Variants in GPC5 observed in about 807,000 individuals in gnomAD.
The protein encoded by GPC5 is glypican 5.
GPC5 carries 47 observed loss-of-function variants against 53.9 expected under a neutral mutation model. The ratio of observed to expected loss-of-function variants is 0.87; its 90% CI spans 0.69 to 1.11. The LOEUF (loss-of-function observed/expected upper bound fraction) is 1.11, where lower values mean the gene tolerates loss of function less well. Among genes scored for constraint, GPC5 ranks in the 50% most tolerant of loss-of-function variants. The pLI is 0.00. For missense variants in GPC5, 748 were observed against 713.1 expected (o/e 1.05, Z -0.56); for synonymous variants, 286 against 263.3 (o/e 1.09, Z -0.84).
intron 7 of GPC5, among the ~76,000 whole-genome samples, chr13:92,751,430 G>C (rs1889395698): frequency 1.3e-5 from 2 of 150,130 alleles, no homozygotes; most frequent in African/African-American, 4.9e-5. Context: ...AGCAAGTCTT[G>C]GAATGTGCCA....
At chr13:92,546,041 A>T (rs868392048) in intron 7 of GPC5, among the ~76,000 whole-genome samples, 2 of 151,800 alleles carry the variant, frequency 1.3e-5, no homozygotes, top group Non-Finnish European at 2.9e-5. Context: ...TTCTAGAGAA[A>T]CCCACAGCCA....
intron 6 of GPC5, among the ~76,000 whole-genome samples, chr13:91,986,526 C>T (rs2040409786): frequency 6.6e-6 from 1 of 152,088 alleles, no homozygotes; most frequent in Non-Finnish European, 1.5e-5. Flanking sequence ...ATAGTTCAAC[C>T]ATATGTTTCT....
chr13:91,915,052 C>T (rs1221786939), intron 6 of GPC5, among the ~76,000 whole-genome samples: 2 of 152,142 alleles, frequency 1.3e-5, no homozygotes. Flanking sequence ...AGAATTGCCA[C>T]AACACTCTGA....
At chr13:92,706,412 A>G (rs925878862) in intron 7 of GPC5, among the ~76,000 whole-genome samples, 1 of 151,996 alleles carries the variant, frequency 6.6e-6, no homozygotes, top group Admixed American at 6.6e-5. Flanking sequence ...TATGTTGTTG[A>G]CTGGCAAATG....
At chr13:92,642,690 G>A (rs536161401) in intron 7 of GPC5, among the ~76,000 whole-genome samples, 1 of 152,220 alleles carries the variant, frequency 6.6e-6, no homozygotes, top group Non-Finnish European at 1.5e-5. Flanking sequence ...TAGTTAGACA[G>A]TTTAGCCGAG....
chr13:92,416,622 G>C (rs1876307746), intron 7 of GPC5, among the ~76,000 whole-genome samples: 2 of 152,000 alleles, frequency 1.3e-5, no homozygotes, highest in African/African-American at 4.8e-5. Flanking sequence ...TAAACTTTTA[G>C]AAAAAATGTA....
At chr13:92,848,958 G>A (rs996288036) in intron 7 of GPC5, among the ~76,000 whole-genome samples, 10 of 152,198 alleles carry the variant, frequency 6.6e-5, no homozygotes, top group African/African-American at 2.4e-4. Flanking sequence ...ACTGGGTCAA[G>A]TCAGGTGATC....
intron 7 of GPC5, among the ~76,000 whole-genome samples, chr13:92,184,892 A>G (rs930839381): frequency 3.9e-5 from 6 of 152,248 alleles, no homozygotes; most frequent in African/African-American, 1.4e-4. Flanking sequence ...TTACAAAGCC[A>G]TGTCTAGTAA....
intron 6 of GPC5, among the ~76,000 whole-genome samples, chr13:92,109,860 G>A (rs1288214039): frequency 6.6e-6 from 1 of 152,078 alleles, no homozygotes; most frequent in African/African-American, 2.4e-5. Context: ...CTATAAGATA[G>A]TGTATGTGGC....
At chr13:92,816,118 A>G (rs1877463469) in intron 7 of GPC5, among the ~76,000 whole-genome samples, 1 of 152,074 alleles carries the variant, frequency 6.6e-6, no homozygotes. Flanking sequence ...AAGGCCAAAG[A>G]CTAGATTCTG....
At chr13:91,783,129 C>T (rs1246330035) in intron 5 of GPC5, among the ~76,000 whole-genome samples, 2 of 152,032 alleles carry the variant, frequency 1.3e-5, no homozygotes, top group Admixed American at 1.3e-4. Flanking sequence ...TGGTGGACAC[C>T]TGTAATCCCA....
At chr13:91,557,671 T>A (rs1438913575) in intron 2 of GPC5, among the ~76,000 whole-genome samples, 1 of 152,180 alleles carries the variant, frequency 6.6e-6, no homozygotes, top group Non-Finnish European at 1.5e-5. Context: ...TGTCACAGAA[T>A]CCTTTCATTC....
intron 7 of GPC5, among the ~76,000 whole-genome samples, chr13:92,310,506 G>A (rs569992168): frequency 1.3e-5 from 2 of 152,248 alleles, no homozygotes; most frequent in East Asian, 3.9e-4. Context: ...CAGAAATGTG[G>A]TTTAATTGTT....
At chr13:92,138,749 C>T (rs1432120006) in intron 6 of GPC5, among the ~76,000 whole-genome samples, 2 of 151,790 alleles carry the variant, frequency 1.3e-5, no homozygotes, top group Non-Finnish European at 2.9e-5. Flanking sequence ...ACACTTGCCC[C>T]GAGGATGGAG....
intron 7 of GPC5, among the ~76,000 whole-genome samples, chr13:92,322,329 C>T (rs1372807717): frequency 1.3e-5 from 2 of 149,508 alleles, no homozygotes; most frequent in Non-Finnish European, 3.0e-5. Context: ...AAATTTAGGG[C>T]ATAAAATAAA....
chr13:92,294,582 T>C (rs1404824538), intron 7 of GPC5, among the ~76,000 whole-genome samples: 1 of 152,114 alleles, frequency 6.6e-6, no homozygotes, highest in Non-Finnish European at 1.5e-5. Context: ...GTTTTGGATT[T>C]TCTCTCTTTT....
intron 7 of GPC5, among the ~76,000 whole-genome samples, chr13:92,365,137 A>G (rs1056211195): frequency 6.6e-6 from 1 of 151,776 alleles, no homozygotes; most frequent in African/African-American, 2.4e-5. Context: ...AACAGCATAG[A>G]GTATACTGAC....
intron 2 of GPC5, among the ~76,000 whole-genome samples, chr13:91,498,944 C>G (rs1230079928): frequency 1.3e-5 from 2 of 150,406 alleles, no homozygotes; most frequent in African/African-American, 4.9e-5. Context: ...GCACTCCAGC[C>G]TGGGGAACAG....
At chr13:92,615,770 C>A (rs1884662616) in intron 7 of GPC5, among the ~76,000 whole-genome samples, 1 of 152,094 alleles carries the variant, frequency 6.6e-6, no homozygotes, top group Non-Finnish European at 1.5e-5. Flanking sequence ...ACTTCCCCTA[C>A]CAGGCTGGGC....
Sources: gnomAD v4.1 joint callset for allele counts (sites outside exome capture counted in the v4.1 genomes callset) on GRCh38, gnomAD v4.1.1 for gene constraint, MANE v1.5 for transcripts, NCBI Gene and HGNC (gene_info 2026-07-23, HGNC 2026-07-21) for gene names.